Variants in CLYBL observed in about 807,000 individuals in gnomAD.
CLYBL encodes citramalyl-CoA lyase.
Under a neutral mutation model 38.9 loss-of-function variants are expected in CLYBL, and 31 were observed. That is an observed-to-expected ratio of 0.80 (90% CI 0.60 to 1.08). The LOEUF (loss-of-function observed/expected upper bound fraction) is 1.08. Ranked by LOEUF, CLYBL falls within the 50% of genes least tolerant of loss-of-function variation. The pLI is 0.00. For synonymous variants in CLYBL, 171 were observed against 158.6 expected, an observed-to-expected ratio of 1.08 and a Z score of -0.59; for missense variants, 434 against 411.6, an observed-to-expected ratio of 1.05 and a Z score of -0.47.
intron 1 of CLYBL, among the ~76,000 whole-genome samples, chr13:99,688,953 C>A (rs1003384352): frequency 1.3e-5 from 2 of 152,202 alleles, no homozygotes; most frequent in African/African-American, 4.8e-5. Flanking sequence ...GCTAGTGGTA[C>A]AGATGCACCT....
intron 2 of CLYBL, among the ~76,000 whole-genome samples, chr13:99,838,775 AC>A (rs1404235823): frequency 2.0e-5 from 3 of 150,458 alleles, no homozygotes; most frequent in Non-Finnish European, 4.4e-5. Context: ...AGCTGGGACT[AC>A]AGGTGTCCGC....
chr13:99,873,106 C>A (rs1367910271), intron 7 of CLYBL, among the ~76,000 whole-genome samples: 1 of 152,148 alleles, frequency 6.6e-6, no homozygotes, highest in Non-Finnish European at 1.5e-5. Context: ...GGTTTGTTTC[C>A]TATAGCAAAT....
intron 2 of CLYBL, among the ~76,000 whole-genome samples, chr13:99,837,705 G>A (rs1277988508): frequency 6.6e-6 from 1 of 152,116 alleles, no homozygotes; most frequent in African/African-American, 2.4e-5. Flanking sequence ...TGTGCTTTGG[G>A]CACTGTTTGC....
chr13:99,689,622 A>G (rs901916438), intron 1 of CLYBL, among the ~76,000 whole-genome samples: 2 of 152,198 alleles, frequency 1.3e-5, no homozygotes, highest in Admixed American at 6.5e-5. Flanking sequence ...TTTCAACTTG[A>G]GCAATTGCAA....
chr13:99,803,707 A>T (rs1249895942), intron 2 of CLYBL, among the ~76,000 whole-genome samples: 3 of 152,226 alleles, frequency 2.0e-5, no homozygotes, highest in Non-Finnish European at 4.4e-5. Context: ...TCCATTTAGG[A>T]GATGGTTCAC....
intron 1 of CLYBL, among the ~76,000 whole-genome samples, chr13:99,641,264 T>C (rs1401672372): frequency 6.6e-6 from 1 of 152,212 alleles, no homozygotes; most frequent in Non-Finnish European, 1.5e-5. Context: ...AAATGAATTA[T>C]AAGTGGATGA....
At chr13:99,740,480 G>A (rs2048735144) in intron 1 of CLYBL, among the ~76,000 whole-genome samples, 1 of 152,178 alleles carries the variant, frequency 6.6e-6, no homozygotes, top group Non-Finnish European at 1.5e-5. Flanking sequence ...GCAGGATCTG[G>A]TGTTAGATAT....
At chr13:99,907,528 C>T (rs753088778) in intron 9 of CLYBL, among the ~76,000 whole-genome samples, 8 of 151,382 alleles carry the variant, frequency 5.3e-5, no homozygotes, top group Non-Finnish European at 1.0e-4. Flanking sequence ...CTTCTTTTTA[C>T]ATTTTTGTAT....
chr13:99,780,049 A>G (rs541214871), intron 2 of CLYBL, among the ~76,000 whole-genome samples: 7 of 152,140 alleles, frequency 4.6e-5, no homozygotes, highest in Admixed American at 3.9e-4. Flanking sequence ...ACCGACTTCT[A>G]TCTGCTTGAT....
Position 99,891,457 on chromosome 13 carries a change from T to A in CLYBL, c.*24+20T>A. 1 of 1,421,606 alleles carries A rather than the reference T, an allele frequency of 7.0e-7. No homozygotes were observed. The highest frequency in any genetic ancestry group is 9.9e-7 in the Non-Finnish European group (1 of 1,005,534). The allele number at this position is 1,421,606 out of a possible 1,614,324, so 88.1% of individuals were successfully genotyped here. ...CATCAGGTGGGCTGAACATATACAG[T>A]GGGGTTCTTAAAGACAAACCACAAT... On this transcript the variant is annotated intron_variant, in intron 8 of 8. Transcript: ENST00000339105.
Position 99,610,120 on chromosome 13 carries a change from C to G in CLYBL, c.62+3363C>G, listed in dbSNP as rs150193862. On this transcript the variant is annotated intron_variant, in intron 1 of 8. Coordinates refer to ENST00000339105, the MANE Select transcript of CLYBL (RefSeq NM_206808.5). ...GTCTTGCAGTGTTGCCAAGGGTGGTCTTGAACTGCTGGGTTCAAATGATTT... is the reference window on the plus strand; with the variant it reads ...GTCTTGCAGTGTTGCCAAGGGTGGTGTTGAACTGCTGGGTTCAAATGATTT... 1.3e-3 allele frequency among the ~76,000 whole-genome samples: 194 copies of G among 152,286 alleles called. 3 individuals carry two copies. In the East Asian group the frequency reaches 0.034, roughly 26 times the overall value.
chr13:99,705,767 G>A (rs1218257769), intron 1 of CLYBL, among the ~76,000 whole-genome samples: 2 of 152,052 alleles, frequency 1.3e-5, no homozygotes, highest in Admixed American at 6.6e-5. Context: ...AGGGAATGGG[G>A]AATTGGTGTT....
At position 99,870,991 on chromosome 13, in the gene CLYBL, C is replaced by T; in HGVS notation, c.856C>T (p.Pro286Ser). Residue 286 changes from proline to serine, a missense_variant, in exon 7 of 9, where the codon CCT becomes TCT. Pro to Ser is a moderately conservative substitution (Grantham distance 74). Transcript: ENST00000339105. ...QIAVVQEQFS[P>S]SPEKIKWAEE... Reference sequence around the variant, plus strand: ...TGCCGTGGTCCAGGAGCAGTTTTCTCCTTCCCCTGAAAAAATTAAGTGGGC... The same window carrying T: ...TGCCGTGGTCCAGGAGCAGTTTTCTTCTTCCCCTGAAAAAATTAAGTGGGC... 6.2e-7 allele frequency: 1 copy of T among 1,613,744 alleles called. No individual in the cohort carries two copies. The highest frequency in any genetic ancestry group is 8.5e-7 in the Non-Finnish European group (1 of 1,179,792).
chr13:99,769,628 A>G (rs1401220064), intron 1 of CLYBL, among the ~76,000 whole-genome samples: 1 of 152,256 alleles, frequency 6.6e-6, no homozygotes, highest in Non-Finnish European at 1.5e-5. Flanking sequence ...AAAAACGATG[A>G]CAGATATTTC....
chr13:99,840,782 G>GAAAA (rs1168663737), intron 2 of CLYBL, among the ~76,000 whole-genome samples: 2 of 51,224 alleles, frequency 3.9e-5, no homozygotes, highest in African/African-American at 1.9e-4. Flanking sequence ...AAAAAAAAAG[G>GAAAA]GTTACATATG....
Position 99,606,721 on chromosome 13 carries a change from C to G in CLYBL, c.26C>G (p.Ala9Gly). The G allele has an allele frequency of 6.7e-7, 1 of 1,490,184 alleles. No homozygotes were observed. The highest frequency in any genetic ancestry group is 8.9e-7 in the Non-Finnish European group (1 of 1,126,406). 92.3% of individuals were successfully genotyped at this position (1,490,184 alleles called of 1,614,324 possible). MALRLLRR[A>G]ARGAAAAALL... The stretch of plus-strand genomic sequence containing the variant: ...ATGGCGCTACGTCTGCTGCGGAGGG[C>G]GGCGCGCGGAGCTGCGGCGGCGGCG... Residue 9 changes from alanine (A) to glycine (G), a missense_variant, in exon 1 of 9, where the codon GCG becomes GGG. By Grantham distance (60) the Ala-to-Gly change is moderately conservative. Coordinates refer to ENST00000339105, the MANE Select transcript of CLYBL (RefSeq NM_206808.5).
intron 1 of CLYBL, among the ~76,000 whole-genome samples, chr13:99,755,284 C>G (rs528748605): frequency 7.2e-5 from 11 of 152,334 alleles, no homozygotes; most frequent in African/African-American, 2.4e-4. Flanking sequence ...AGGAAGTGTA[C>G]AAACCATGTC....
chr13:99,736,256 G>A (rs2048666629), intron 1 of CLYBL, among the ~76,000 whole-genome samples: 1 of 149,702 alleles, frequency 6.7e-6, no homozygotes, highest in South Asian at 2.1e-4. Context: ...TGTTGGCCAG[G>A]GTGGTCTCAA....
At chr13:99,841,314 G>A (rs1225613035) in intron 2 of CLYBL, among the ~76,000 whole-genome samples, 7 of 152,056 alleles carry the variant, frequency 4.6e-5, no homozygotes, top group Non-Finnish European at 8.8e-5. Flanking sequence ...AAAGTAATAC[G>A]TTTTCCTCAC....
Sources: gnomAD v4.1 joint callset for allele counts (sites outside exome capture counted in the v4.1 genomes callset) on GRCh38, gnomAD v4.1.1 for gene constraint, MANE v1.5 for transcripts, NCBI Gene and HGNC (gene_info 2026-07-23, HGNC 2026-07-21) for gene names.